The following WWP2 variants were observed in gnomAD, a reference collection of about 807,000 sequenced individuals.
WWP2 encodes NEDD4-like E3 ubiquitin-protein ligase WWP2.
WWP2 carries 57 observed loss-of-function variants against 121.0 expected under a neutral mutation model. The observed-to-expected ratio is 0.47, with a 90% CI of 0.38 to 0.59. The LOEUF (loss-of-function observed/expected upper bound fraction) is 0.59, where lower values mean the gene tolerates loss of function less well. Ranked by LOEUF, WWP2 falls within the 20% of genes least tolerant of loss-of-function variation. The pLI is 0.00. For synonymous variants in WWP2, 449 were observed against 441.3 expected (o/e 1.02, Z -0.22); for missense variants, 962 against 1,158.9 (o/e 0.83, Z 2.47).
chr16:69,789,548 T>C (rs1360031038), intron 2 of WWP2, among the ~76,000 whole-genome samples: 1 of 152,144 alleles, frequency 6.6e-6, no homozygotes, highest in South Asian at 2.1e-4. Flanking sequence ...CAAAATTCTT[T>C]CCTGCAGTCC....
intron 4 of WWP2, among the ~76,000 whole-genome samples, chr16:69,819,188 T>C (rs986052765): frequency 6.6e-6 from 1 of 152,220 alleles, no homozygotes; most frequent in African/African-American, 2.4e-5. Flanking sequence ...TTGACTGTTA[T>C]TGCAAAGGCC....
intron 7 of WWP2, among the ~76,000 whole-genome samples, chr16:69,880,483 A>T (rs2057807557): frequency 6.6e-6 from 1 of 152,170 alleles, no homozygotes; most frequent in Non-Finnish European, 1.5e-5. Flanking sequence ...GAATTCTTTG[A>T]AGCACAGTAG....
intron 4 of WWP2, among the ~76,000 whole-genome samples, chr16:69,835,713 TAA>T (rs1057256778): frequency 1.3e-5 from 2 of 152,144 alleles, no homozygotes. Flanking sequence ...CCTATTCTTC[TAA>T]AAAGTCACTT....
rs529337047 is a variant in WWP2 at position 69,829,025 on chromosome 16, C to T, written c.341-11101C>T. Among the ~76,000 whole-genome samples the T allele has an allele frequency of 2.0e-5, 3 of 152,282 alleles. No homozygotes were observed. In the East Asian group the frequency reaches 5.8e-4, roughly 29 times the overall value. On this transcript the variant is annotated intron_variant, in intron 4 of 23. Transcript: ENST00000359154. ...TCAGACTTGGTCCTGTTCCCGTATT[C>T]TGTATTTCATCATATAGAGCCTCTA...
intron 4 of WWP2, among the ~76,000 whole-genome samples, chr16:69,818,743 A>T (rs1158230535): frequency 6.6e-6 from 1 of 152,028 alleles, no homozygotes; most frequent in Non-Finnish European, 1.5e-5. Context: ...GGTCACTCTC[A>T]TTCAGTCTCC....
chr16:69,860,817 C>T (rs1453474492), intron 6 of WWP2, among the ~76,000 whole-genome samples: 1 of 145,018 alleles, frequency 6.9e-6, no homozygotes, highest in African/African-American at 2.6e-5. Context: ...GCCAGGACAA[C>T]ATAGCAAGAC....
At chr16:69,840,578 C>T (rs1235111129) in intron 5 of WWP2, among the ~76,000 whole-genome samples, 1 of 152,134 alleles carries the variant, frequency 6.6e-6, no homozygotes, top group Non-Finnish European at 1.5e-5. Flanking sequence ...CCATTATTTT[C>T]CTTCCCAATA....
chr16:69,825,623 T>A (rs999716943), intron 4 of WWP2, among the ~76,000 whole-genome samples: 1 of 151,558 alleles, frequency 6.6e-6, no homozygotes, highest in Non-Finnish European at 1.5e-5. Context: ...GTGGGTTTTT[T>A]TTTTTTGGTT....
intron 9 of WWP2, among the ~76,000 whole-genome samples, chr16:69,912,369 TCACACACACACA>T (rs3051446): frequency 0.021 from 2,979 of 140,266 alleles, 43 homozygotes; most frequent in Non-Finnish European, 0.033. Context: ...GGAGTTAGAT[TCACACACACACA>T]CACACACACA....
intron 9 of WWP2, among the ~76,000 whole-genome samples, chr16:69,916,104 A>C (rs1408359719): frequency 1.3e-5 from 2 of 152,150 alleles, no homozygotes; most frequent in Non-Finnish European, 2.9e-5. Flanking sequence ...ATTATGAGAA[A>C]GCTAGGAAGG....
rs749901201 is a variant in WWP2 at position 69,935,917 on chromosome 16, A to G, written c.1907A>G (p.Asn636Ser). 11 of 1,614,056 alleles carry G rather than the reference A, an allele frequency of 6.8e-6. No individual in the cohort carries two copies. The highest frequency in any genetic ancestry group is 9.3e-6 in the Non-Finnish European group (11 of 1,180,016). The change falls in exon 18 of 24, where the codon AAT becomes AGT. Residue 636 changes from asparagine (N) to serine (S), a missense_variant. Asn to Ser is a conservative substitution (Grantham distance 46). This residue lies in a region of WWP2 where 606 missense variants were observed against 772.6 expected (regional missense o/e 0.78). Transcript: ENST00000359154. The surrounding 1 kb of genome is among the most constrained non-coding windows in gnomAD (Gnocchi z 5.2). ...CTCCCTTTCTACAAGCGGATGCTCA[A>G]TAAGAGACCAACCCTGAAAGACCTG... ...FTLPFYKRML[N>S]KRPTLKDLES...
chr16:69,812,039 A>G (rs1249965718), intron 4 of WWP2, among the ~76,000 whole-genome samples: 6 of 152,174 alleles, frequency 3.9e-5, no homozygotes, highest in African/African-American at 1.2e-4. Context: ...GTCACAGTCC[A>G]GGACCTCATG....
chr16:69,909,395 C>A (rs992242855), intron 9 of WWP2: 1 of 986,000 alleles, frequency 1.0e-6, no homozygotes. Flanking sequence ...AATATGCACA[C>A]TTCCCCTGCC....
intron 13 of WWP2, among the ~76,000 whole-genome samples, 183 bp from the exon 14 acceptor site, chr16:69,930,969 A>T (rs1186376437): frequency 1.3e-5 from 2 of 152,210 alleles, no homozygotes; most frequent in African/African-American, 4.8e-5. Flanking sequence ...AAAAGCAAGA[A>T]GTCTGGCTTT....
At chr16:69,880,445 T>A (rs2057806829) in intron 7 of WWP2, among the ~76,000 whole-genome samples, 1 of 152,182 alleles carries the variant, frequency 6.6e-6, no homozygotes, top group Non-Finnish European at 1.5e-5. Context: ...TGATCGTTCA[T>A]ACATTTTCAA....
intron 6 of WWP2, among the ~76,000 whole-genome samples, chr16:69,847,498 C>T (rs1452383954): frequency 3.3e-5 from 5 of 151,504 alleles, no homozygotes; most frequent in African/African-American, 9.7e-5. Flanking sequence ...CAACTTCTCT[C>T]TCCCAGGTTC....
At chr16:69,902,884 A>G (rs552527180) in intron 8 of WWP2, among the ~76,000 whole-genome samples, 1 of 152,048 alleles carries the variant, frequency 6.6e-6, no homozygotes, top group East Asian at 1.9e-4. Flanking sequence ...TGAAGGGGAG[A>G]GATTTGTGTG....
At chr16:69,866,270 TTTTA>T (rs56801798) in intron 6 of WWP2, among the ~76,000 whole-genome samples, 16,673 of 146,948 alleles carry the variant, frequency 0.11, 1,188 homozygotes, top group Non-Finnish European at 0.15. Context: ...AGGTTTCACA[TTTTA>T]TTTATTTATT....
At chr16:69,896,171 G>T (rs1178013678) in intron 8 of WWP2, among the ~76,000 whole-genome samples, 1 of 152,106 alleles carries the variant, frequency 6.6e-6, no homozygotes. Context: ...ACCCAGGCTG[G>T]AGTATAGTGG....
Sources: allele counts gnomAD v4.1 joint callset (sites outside exome capture counted in the v4.1 genomes callset), GRCh38; gene constraint gnomAD v4.1.1; regional missense constraint gnomAD v4.1.1; non-coding constraint Gnocchi (gnomAD v3.1); transcripts MANE v1.5; gene names NCBI Gene and HGNC (gene_info 2026-07-23, HGNC 2026-07-21).